The following UGT2B7 variants were observed in gnomAD, a reference collection of about 807,000 sequenced individuals.
UGT2B7 encodes the protein UDP glucuronosyltransferase family 2 member B7, also known as UDP-glucuronosyltransferase 2B7.
Under a neutral mutation model 51.9 loss-of-function variants are expected in UGT2B7, and 51 were observed. The observed-to-expected ratio is 0.98, with a 90% CI of 0.78 to 1.24. UGT2B7 has a LOEUF of 1.24. Among genes scored for constraint, UGT2B7 ranks in the 50% most tolerant of loss-of-function variants. The pLI is 0.00. For missense variants in UGT2B7, 727 were observed against 628.4 expected, an observed-to-expected ratio of 1.16 and a Z score of -1.68; for synonymous variants, 225 against 211.6, an observed-to-expected ratio of 1.06 and a Z score of -0.55.
At chr4:69,094,207 TCGGCTCACTGC>T, upstream of UGT2B7, among the ~76,000 whole-genome samples, 5 of 27,810 alleles carry the variant, frequency 1.8e-4, 2 homozygotes, top group South Asian at 3.0e-3. Flanking sequence ...TGGCGCGATC[TCGGCTCACTGC>T]AAGCTCCGCC....
rs1299487099 is a variant in UGT2B7, at chr4:69,098,638, G to A, written c.820G>A (p.Val274Ile). The part of the protein sequence containing the change: ...FQFPYPLLPN[V>I]DFVGGLHCKP... The stretch of plus-strand genomic sequence containing the variant: ...GTTTCCATATCCACTCTTACCAAAT[G>A]TTGATTTTGTTGGAGGACTCCACTG... The change falls in exon 2 of 6, where the codon GTT (valine) becomes ATT (isoleucine). Residue 274 changes from valine to isoleucine, a missense_variant. Val to Ile is a conservative substitution (Grantham distance 29). Coordinates refer to ENST00000305231, the MANE Select transcript of UGT2B7 (RefSeq NM_001074.4). The A allele has an allele frequency of 2.5e-6, 4 of 1,612,182 alleles. No homozygotes were observed. The highest frequency in any genetic ancestry group is 3.3e-4 in the Middle Eastern group (2 of 6,078).
At chr4:69,058,931 G>C (rs1404374115) in intron 1 of UGT2B7, among the ~76,000 whole-genome samples, 3 of 152,220 alleles carry the variant, frequency 2.0e-5, no homozygotes, top group Non-Finnish European at 2.9e-5. Flanking sequence ...GTTGGAAAGA[G>C]ATCAGTGTGC....
intron 1 of UGT2B7, among the ~76,000 whole-genome samples, chr4:69,055,393 G>A (rs780020566): frequency 6.7e-6 from 1 of 148,426 alleles, no homozygotes; most frequent in Non-Finnish European, 1.5e-5. Context: ...AGTAGGAGCT[G>A]CAACCTTTTA....
rs1211894256 is a variant in UGT2B7 at position 69,098,702 on chromosome 4, T to TAAAA, written c.870+14_870+15insAAAA. On this transcript the variant is annotated intron_variant, in intron 2 of 5. Coordinates refer to ENST00000305231, the MANE Select transcript of UGT2B7 (RefSeq NM_001074.4). ...CCCCTGCCTAAGGTAAACATACTTT[T>TAAAA]GTTGGTTTTATTTTGTTGGCTTTGA... 1.2e-6 allele frequency: 2 copies of TAAAA among 1,604,260 alleles called. No homozygotes were observed. Among genetic ancestry groups the TAAAA allele is most frequent in the African/African-American group, 2.7e-5 (2 of 73,944 alleles).
At chr4:69,066,559 G>A (rs1718487760) in intron 1 of UGT2B7, 1 of 151,912 alleles carries the variant, frequency 6.6e-6, no homozygotes, top group African/African-American at 2.4e-5. Context: ...AAAACACACT[G>A]TTGAAATAAT....
At chr4:69,092,637 T>G (rs1323255048), upstream of UGT2B7, among the ~76,000 whole-genome samples, 1 of 152,102 alleles carries the variant, frequency 6.6e-6, no homozygotes, top group Admixed American at 6.5e-5. Context: ...ATAAGTTTTC[T>G]TTACCTTTTG....
chr4:69,091,352 G>T (rs1233857803), intron 2 of UGT2B7, among the ~76,000 whole-genome samples: 2 of 151,108 alleles, frequency 1.3e-5, no homozygotes, highest in African/African-American at 4.9e-5. Flanking sequence ...GAAAGAAAGT[G>T]TGTGTATGTT....
intron 1 of UGT2B7, among the ~76,000 whole-genome samples, chr4:69,060,696 C>T (rs1718326427): frequency 6.6e-6 from 1 of 152,214 alleles, no homozygotes; most frequent in Non-Finnish European, 1.5e-5. Flanking sequence ...CACTAGCTAT[C>T]ACTGCTCGGC....
intron 1 of UGT2B7, among the ~76,000 whole-genome samples, chr4:69,056,521 T>C (rs571076255): frequency 7.2e-5 from 11 of 152,182 alleles, no homozygotes; most frequent in Non-Finnish European, 7.3e-5. Flanking sequence ...GAGGATATAG[T>C]TAAAGACATA....
At chr4:69,067,816 G>A (rs1718514341) in intron 1 of UGT2B7, among the ~76,000 whole-genome samples, 1 of 151,972 alleles carries the variant, frequency 6.6e-6, no homozygotes, top group Admixed American at 6.6e-5. Context: ...ATTTGTCAGA[G>A]GTTTTAGGAT....
intron 5 of UGT2B7, 33 bp downstream of exon 5, chr4:69,108,355 T>A: frequency 1.2e-6 from 2 of 1,607,130 alleles, no homozygotes; most frequent in Non-Finnish European, 1.7e-6. Flanking sequence ...CTAGGTGGTA[T>A]TTACAGATAG....
intron 1 of UGT2B7, among the ~76,000 whole-genome samples, chr4:69,083,556 T>C (rs1474373512): frequency 1.3e-5 from 2 of 152,120 alleles, no homozygotes; most frequent in Non-Finnish European, 2.9e-5. Flanking sequence ...TTTATTCCAT[T>C]TCTTTCATCA....
chr4:69,112,411 C>T, intron 5 of UGT2B7, 46 bp from the exon 6 acceptor site: 2 of 1,586,044 alleles, frequency 1.3e-6, no homozygotes, highest in South Asian at 1.2e-5. Context: ...GGGGTTTTGT[C>T]TGTAACTCTT....
rs1324648807 is a variant in UGT2B7 at position 69,096,859 on chromosome 4, G to A, written c.339G>A (p.Gln113=). ...TTTGGTTATATTTTTCACAAGTACA[G>A]GAAATCATGTCAATATTTGGTGACA... is the stretch of plus-strand genomic sequence containing the variant. ...DTFWLYFSQV[Q]EIMSIFGDIT... is the part of the protein sequence containing the mutation. Residue 113 remains glutamine (Q), a synonymous_variant, in exon 1 of 6, where the codon CAG becomes CAA. Coordinates refer to ENST00000305231, the MANE Select transcript of UGT2B7 (RefSeq NM_001074.4). The A allele has an allele frequency of 1.2e-6, 2 of 1,613,460 alleles. No individual in the cohort carries two copies. The highest frequency in any genetic ancestry group is 1.1e-5 in the South Asian group (1 of 91,010).
intron 1 of UGT2B7, among the ~76,000 whole-genome samples, chr4:69,055,686 G>C (rs1392587506): frequency 6.6e-6 from 1 of 152,182 alleles, no homozygotes; most frequent in African/African-American, 2.4e-5. Flanking sequence ...AACCGTAACA[G>C]GAGATCAATG....
chr4:69,105,351 T>C (rs1415885612), intron 3 of UGT2B7, among the ~76,000 whole-genome samples: 1 of 152,240 alleles, frequency 6.6e-6, no homozygotes, highest in African/African-American at 2.4e-5. Context: ...CTGATAAAGC[T>C]TTCTTGTAAT....
At chr4:69,090,461 CT>C (rs1401530604) in intron 2 of UGT2B7, among the ~76,000 whole-genome samples, 3 of 124,640 alleles carry the variant, frequency 2.4e-5, no homozygotes, top group African/African-American at 9.9e-5. Flanking sequence ...ACTTCTTTTT[CT>C]TTTTTAATTA....
chr4:69,097,237 T>A lies in UGT2B7; in HGVS notation c.717T>A (p.Val239=). 1 of 1,602,754 alleles carries A rather than the reference T, an allele frequency of 6.2e-7. No individual in the cohort carries two copies. Among genetic ancestry groups the A allele is most frequent in the Non-Finnish European group, 8.5e-7 (1 of 1,177,042 alleles). The part of the protein sequence containing the change: ...MKKWDQFYSE[V]LGRPTTLSET... The stretch of plus-strand genomic sequence containing the variant: ...AGTGGGATCAGTTTTATAGTGAAGT[T>A]CTAGGTAAGTATTTTTTTCAATCAG... The change falls in exon 1 of 6, where the codon GTT becomes GTA. Residue 239 remains valine (V), a synonymous_variant. Coordinates refer to ENST00000305231, the MANE Select transcript of UGT2B7 (RefSeq NM_001074.4).
chr4:69,095,337 A>C (rs1173208726), upstream of UGT2B7, among the ~76,000 whole-genome samples: 1 of 152,206 alleles, frequency 6.6e-6, no homozygotes, highest in Non-Finnish European at 1.5e-5. Context: ...AGTCATCAGA[A>C]CAAGAAACTA....
Sources: gnomAD v4.1 joint callset for allele counts (sites outside exome capture counted in the v4.1 genomes callset) on GRCh38, gnomAD v4.1.1 for gene constraint, MANE v1.5 for transcripts, NCBI Gene and HGNC (gene_info 2026-07-23, HGNC 2026-07-21) for gene names.